The following ITPR2 variants were observed in gnomAD, a reference collection of about 807,000 sequenced individuals.
ITPR2 encodes the protein inositol 1,4,5-trisphosphate receptor type 2.
ITPR2 carries 207 observed loss-of-function variants against 317.1 expected under a neutral mutation model. That is an observed-to-expected ratio of 0.65 (90% confidence interval 0.58 to 0.73). The LOEUF (loss-of-function observed/expected upper bound fraction) is 0.73. ITPR2 is among the 30% of genes least tolerant of loss of function. ITPR2 has a pLI of 0.00. For synonymous variants in ITPR2, 1,156 were observed against 1,149.1 expected (o/e 1.01, Z -0.12); for missense variants, 2,613 against 3,284.0 (o/e 0.80, Z 4.99).
intron 2 of ITPR2, among the ~76,000 whole-genome samples, chr12:26,785,524 C>T (rs1373858700): frequency 3.7e-4 from 19 of 51,920 alleles, no homozygotes; most frequent in African/African-American, 1.0e-3. Flanking sequence ...GACCCCTCTG[C>T]CCGGCCAGCC....
rs754961650 is a variant in ITPR2, at chr12:26,578,804, C to G, written c.4539G>C (p.Leu1513=). ...AATTGTAAATTCTGAAGGCAGATTG[C>G]AGTAGCTGAATAAAAACTGGCTGAT... is the stretch of plus-strand genomic sequence containing the variant. The part of the protein sequence containing the change: ...QTHQPVFIQL[L]QSAFRIYNCT... Residue 1513 remains leucine, a synonymous_variant, in exon 34 of 57, where the codon CTG becomes CTC. Coordinates refer to ENST00000381340, the MANE Select transcript of ITPR2 (RefSeq NM_002223.4). 6.2e-7 allele frequency: 1 copy of G among 1,609,372 alleles called. No homozygotes were observed. Among genetic ancestry groups the G allele is most frequent in the Non-Finnish European group, 8.5e-7 (1 of 1,176,654 alleles).
At chr12:26,444,042 T>G (rs892323058) in intron 45 of ITPR2, among the ~76,000 whole-genome samples, 1 of 152,130 alleles carries the variant, frequency 6.6e-6, no homozygotes, top group Non-Finnish European at 1.5e-5. Flanking sequence ...CATAAATAGG[T>G]ATCTGTATTT....
At chr12:26,499,829 T>A (rs1407530544) in intron 37 of ITPR2, among the ~76,000 whole-genome samples, 1 of 152,362 alleles carries the variant, frequency 6.6e-6, no homozygotes, top group Non-Finnish European at 1.5e-5. Context: ...TAGAATTATA[T>A]ACTTATTAGC....
chr12:26,602,725 T>G lies in ITPR2; in HGVS notation c.3463-19A>C. On this transcript the variant is annotated intron_variant, in intron 26 of 56. Transcript: ENST00000381340. ...TTGATTCCTAAAAGGAACACAAATA[T>G]GTACTTTTATGCCATTTGTAGCTTT... The G allele has an allele frequency of 7.3e-7, 1 of 1,373,012 alleles. No homozygotes were observed. Among genetic ancestry groups the G allele is most frequent in the African/African-American group, 1.4e-5 (1 of 70,768 alleles). 85.1% of individuals were successfully genotyped at this position (1,373,012 alleles called of 1,614,324 possible).
At chr12:26,782,220 T>A (rs1236153876) in intron 2 of ITPR2, among the ~76,000 whole-genome samples, 1 of 151,652 alleles carries the variant, frequency 6.6e-6, no homozygotes, top group Non-Finnish European at 1.5e-5. Context: ...AAGTGTGGCA[T>A]CCAAAAATGA....
intron 14 of ITPR2, among the ~76,000 whole-genome samples, chr12:26,665,367 C>T (rs1328717763): frequency 6.6e-6 from 1 of 152,198 alleles, no homozygotes; most frequent in Non-Finnish European, 1.5e-5. Context: ...CCATGGTAGG[C>T]TGTCTCTACA....
intron 1 of ITPR2, among the ~76,000 whole-genome samples, chr12:26,827,532 T>C (rs556858294): frequency 3.9e-5 from 6 of 152,268 alleles, no homozygotes; most frequent in Admixed American, 1.3e-4. Flanking sequence ...AACTCAAATA[T>C]AGTGAAACTC....
intron 9 of ITPR2, among the ~76,000 whole-genome samples, chr12:26,696,575 C>CA (rs1347364277): frequency 5.3e-5 from 8 of 151,312 alleles, no homozygotes; most frequent in Admixed American, 1.3e-4. Flanking sequence ...AAAATGAAAG[C>CA]AAAAAAAATC....
chr12:26,549,626 T>C (rs1944475803), intron 37 of ITPR2, among the ~76,000 whole-genome samples: 1 of 152,098 alleles, frequency 6.6e-6, no homozygotes, highest in Admixed American at 6.6e-5. Flanking sequence ...GTGTATCACC[T>C]TGGGTATCAA....
intron 1 of ITPR2, among the ~76,000 whole-genome samples, chr12:26,813,369 G>A (rs1311418037): frequency 6.6e-6 from 1 of 152,054 alleles, no homozygotes; most frequent in African/African-American, 2.4e-5. Flanking sequence ...ATTATTCATA[G>A]ACACAAGATA....
intron 52 of ITPR2, 47 bp from the exon 53 acceptor site, chr12:26,400,305 TATAAA>T (rs1940132468): frequency 3.5e-6 from 4 of 1,150,654 alleles, no homozygotes; most frequent in Non-Finnish European, 4.6e-6. Context: ...TGTAAAAATA[TATAAA>T]ATAAAATACA....
chr12:26,624,410 T>C, intron 23 of ITPR2, 54 bp from the exon 24 acceptor site: 1 of 1,214,754 alleles, frequency 8.2e-7, no homozygotes, highest in Non-Finnish European at 1.2e-6. Flanking sequence ...TTAGGAGCCA[T>C]AATAGTCATA....
intron 1 of ITPR2, among the ~76,000 whole-genome samples, chr12:26,807,779 A>G: frequency 6.6e-6 from 1 of 152,162 alleles, no homozygotes; most frequent in Non-Finnish European, 1.5e-5. Flanking sequence ...TAAGACCATA[A>G]TATCAACCCC....
At chr12:26,449,348 T>C (rs1479413927) in intron 45 of ITPR2, among the ~76,000 whole-genome samples, 11 of 152,132 alleles carry the variant, frequency 7.2e-5, no homozygotes, top group Admixed American at 7.2e-4. Flanking sequence ...AAACTAAGGC[T>C]TTACGTATTC....
At chr12:26,726,780 AGAT>A (rs1948933319) in intron 2 of ITPR2, among the ~76,000 whole-genome samples, 1 of 152,236 alleles carries the variant, frequency 6.6e-6, no homozygotes, top group Non-Finnish European at 1.5e-5. Context: ...GTATTTAAAA[AGAT>A]GATACCTTTT....
intron 9 of ITPR2, among the ~76,000 whole-genome samples, chr12:26,700,525 G>A (rs965327245): frequency 2.0e-5 from 3 of 152,194 alleles, no homozygotes; most frequent in Non-Finnish European, 2.9e-5. Flanking sequence ...AAGTCACACC[G>A]CTGGGGAGTG....
intron 2 of ITPR2, among the ~76,000 whole-genome samples, chr12:26,751,710 A>G (rs148961779): frequency 1.6e-4 from 25 of 152,272 alleles, no homozygotes; most frequent in African/African-American, 5.3e-4. Context: ...AACTAAAAAT[A>G]CAAAAATTAG....
intron 37 of ITPR2, among the ~76,000 whole-genome samples, chr12:26,516,245 A>G (rs1258635210): frequency 1.7e-4 from 5 of 29,016 alleles, no homozygotes; most frequent in Non-Finnish European, 2.6e-4. Flanking sequence ...AGGAAAGGAA[A>G]GGAAAGGAAA....
intron 45 of ITPR2, among the ~76,000 whole-genome samples, chr12:26,450,767 C>A (rs1163532565): frequency 6.6e-6 from 1 of 152,006 alleles, no homozygotes; most frequent in Non-Finnish European, 1.5e-5. Context: ...CCAGAAGACA[C>A]GTGAAGGGCT....
Sources: allele counts gnomAD v4.1 joint callset (sites outside exome capture counted in the v4.1 genomes callset), GRCh38; gene constraint gnomAD v4.1.1; transcripts MANE v1.5; gene names NCBI Gene and HGNC (gene_info 2026-07-23, HGNC 2026-07-21).